Variants in KNDC1 observed in about 807,000 individuals in gnomAD.
The protein encoded by KNDC1 is kinase non-catalytic C-lobe domain containing 1.
A neutral mutation model predicts 172.8 loss-of-function variants in KNDC1; 106 were observed. That is an observed-to-expected ratio of 0.61 (90% CI 0.52 to 0.72). The LOEUF (loss-of-function observed/expected upper bound fraction) is 0.72, where lower values mean the gene tolerates loss of function less well. Ranked by LOEUF, KNDC1 falls within the 30% of genes least tolerant of loss-of-function variation. KNDC1 has a pLI of 0.00. For missense variants in KNDC1, 2,325 were observed against 2,394.5 expected, an observed-to-expected ratio of 0.97 and a Z score of 0.61; for synonymous variants, 1,083 against 1,062.2, an observed-to-expected ratio of 1.02 and a Z score of -0.38.
rs990346400 is a variant in KNDC1, at chr10:133,209,668, C to T, written c.3795-943C>T. ...TTCCATGGAAGGAGCGTCTCCTGGCCGTGATGTGGTCACGAGGGGCTTCCC... is the reference window on the plus strand; with the variant it reads ...TTCCATGGAAGGAGCGTCTCCTGGCTGTGATGTGGTCACGAGGGGCTTCCC... On this transcript the variant is annotated intron_variant, in intron 20 of 29. Coordinates refer to ENST00000304613, the MANE Select transcript of KNDC1 (RefSeq NM_152643.8). This position sits in a 1 kb window ranked among gnomAD's most constrained non-coding sequence, Gnocchi z 4.9. Among the ~76,000 whole-genome samples, 8 of 152,098 alleles carry T rather than the reference C, an allele frequency of 5.3e-5. No individual in the cohort carries two copies. The highest frequency in any genetic ancestry group is 2.1e-4 in the South Asian group (1 of 4,818).
At chr10:133,170,093 C>T (rs186057375) in intron 3 of KNDC1, among the ~76,000 whole-genome samples, 118 of 152,356 alleles carry the variant, frequency 7.7e-4, no homozygotes, top group African/African-American at 2.7e-3. Context: ...TAATGTGGCA[C>T]CTGCTGTGTG....
chr10:133,189,249 G>A (rs1854011360), intron 7 of KNDC1, among the ~76,000 whole-genome samples: 2 of 152,188 alleles, frequency 1.3e-5, no homozygotes. Flanking sequence ...CGTCCACCGT[G>A]AGCCCGTGGC....
intron 3 of KNDC1, among the ~76,000 whole-genome samples, chr10:133,177,631 T>G (rs1447012696): frequency 6.6e-6 from 1 of 152,016 alleles, no homozygotes; most frequent in African/African-American, 2.4e-5. Flanking sequence ...TAGTGTGTTG[T>G]GAGCATGTGT....
At chr10:133,171,410 G>A (rs1042631281) in intron 3 of KNDC1, among the ~76,000 whole-genome samples, 2 of 151,928 alleles carry the variant, frequency 1.3e-5, no homozygotes, top group African/African-American at 2.4e-5. Flanking sequence ...AGGTGGGGCT[G>A]CAAGTGTGCA....
intron 7 of KNDC1, among the ~76,000 whole-genome samples, 158 bp from the exon 8 acceptor site, chr10:133,189,439 TG>T (rs1184917642): frequency 6.6e-6 from 1 of 152,144 alleles, no homozygotes; most frequent in Non-Finnish European, 1.5e-5. Context: ...CCCCGGGGGC[TG>T]GGGTCAGGCC....
chr10:133,171,030 T>G (rs1853362049), intron 3 of KNDC1, among the ~76,000 whole-genome samples: 1 of 152,258 alleles, frequency 6.6e-6, no homozygotes, highest in African/African-American at 2.4e-5. Context: ...TAATCAAATG[T>G]TTTAATGCTT....
chr10:133,172,907 G>A (rs1350313127), intron 3 of KNDC1, among the ~76,000 whole-genome samples: 1 of 152,198 alleles, frequency 6.6e-6, no homozygotes, highest in Non-Finnish European at 1.5e-5. Flanking sequence ...GGAGGCTGAG[G>A]CGGGAGGACT....
chr10:133,183,797 G>A (rs955375287), intron 4 of KNDC1, 75 bp from the exon 5 acceptor site: 22 of 1,195,888 alleles, frequency 1.8e-5, no homozygotes, highest in South Asian at 4.4e-5. Flanking sequence ...CAAAGGATCC[G>A]GCCGTGTCGG....
intron 23 of KNDC1, among the ~76,000 whole-genome samples, chr10:133,212,362 G>A (rs139991961): frequency 2.9e-4 from 44 of 152,368 alleles, no homozygotes; most frequent in Non-Finnish European, 5.0e-4. Flanking sequence ...AGGCAGCCCT[G>A]CTGCGCTGGC....
At chr10:133,193,222 C>G (rs1459020216) in intron 9 of KNDC1, among the ~76,000 whole-genome samples, 1 of 152,256 alleles carries the variant, frequency 6.6e-6, no homozygotes, top group Admixed American at 6.5e-5. Context: ...GCAAAAATAT[C>G]CTTCAGAAAT....
Position 133,225,160 on chromosome 10 carries a change from A to C in KNDC1, c.*270A>C. 2.3e-6 allele frequency: 1 copy of C among 433,216 alleles called. No individual in the cohort carries two copies. The allele number at this position is 433,216 out of a possible 1,614,324, so 26.8% of individuals were successfully genotyped here. ...TAAAAAGTTAAATTTAAAAATGAAA[A>C]TGAAAGACAGCTTCCCAGGAGTTTT... On this transcript the variant is annotated 3_prime_UTR_variant, in exon 30 of 30. Coordinates refer to ENST00000304613, the MANE Select transcript of KNDC1 (RefSeq NM_152643.8).
At chr10:133,161,801 G>T (rs1347167888) in intron 1 of KNDC1, among the ~76,000 whole-genome samples, 1 of 152,164 alleles carries the variant, frequency 6.6e-6, no homozygotes, top group Non-Finnish European at 1.5e-5. Flanking sequence ...TATCTGTTAG[G>T]AGGCGGCCCT....
chr10:133,205,874 A>C (rs1845172104), intron 17 of KNDC1, among the ~76,000 whole-genome samples: 1 of 152,146 alleles, frequency 6.6e-6, no homozygotes, highest in East Asian at 1.9e-4. Flanking sequence ...CATCTCAAAA[A>C]ATAAAAAATA....
At chr10:133,184,439 ACTC>A (rs1178300050) in intron 5 of KNDC1, among the ~76,000 whole-genome samples, 20 of 152,154 alleles carry the variant, frequency 1.3e-4, no homozygotes, top group Admixed American at 2.0e-4. Flanking sequence ...GATCACACAA[ACTC>A]ACGTATTCAC....
chr10:133,162,678 C>G (rs952986799), intron 1 of KNDC1, among the ~76,000 whole-genome samples: 1 of 152,264 alleles, frequency 6.6e-6, no homozygotes, highest in Admixed American at 6.5e-5. Context: ...GACCGCCAGG[C>G]TGGCAAGAAC....
At chr10:133,179,701 C>T (rs1450554908) in intron 3 of KNDC1, among the ~76,000 whole-genome samples, 4 of 152,238 alleles carry the variant, frequency 2.6e-5, no homozygotes, top group African/African-American at 4.8e-5. Flanking sequence ...CCACTCGAGG[C>T]GAGAGCTACC....
chr10:133,199,624 G>A (rs200260804), intron 15 of KNDC1, 22 bp downstream of exon 15: 284 of 1,610,096 alleles, frequency 1.8e-4, no homozygotes, highest in Admixed American at 4.7e-4. Context: ...GTTCGGCCCT[G>A]CATTCCCGCC....
chr10:133,168,024 C>T (rs2135947233), intron 2 of KNDC1, among the ~76,000 whole-genome samples: 1 of 152,374 alleles, frequency 6.6e-6, no homozygotes, highest in African/African-American at 2.4e-5. Context: ...TCTTCAGCTT[C>T]CTTCTTGGGA....
chr10:133,225,078 C>T lies in KNDC1; in HGVS notation c.*188C>T. On this transcript the variant is annotated 3_prime_UTR_variant, in exon 30 of 30. Coordinates refer to ENST00000304613, the MANE Select transcript of KNDC1 (RefSeq NM_152643.8). Reference sequence around the variant, plus strand: ...ACAGGCAGAGCTGGTCTCCTCCCAGCAGACGGAGCCAGGACGGGCACAAGA... The same window carrying T: ...ACAGGCAGAGCTGGTCTCCTCCCAGTAGACGGAGCCAGGACGGGCACAAGA... 1.7e-6 allele frequency: 1 copy of T among 596,036 alleles called. No individual in the cohort carries two copies. The highest frequency in any genetic ancestry group is 3.0e-6 in the Non-Finnish European group (1 of 330,684). The allele number at this position is 596,036 out of a possible 1,614,324, so 36.9% of individuals were successfully genotyped here. A position where few individuals can be genotyped will look rare whatever the true frequency, so the allele number is the denominator to read the frequency against.
Sources: allele counts gnomAD v4.1 joint callset (sites outside exome capture counted in the v4.1 genomes callset), GRCh38; gene constraint gnomAD v4.1.1; non-coding constraint Gnocchi (gnomAD v3.1); transcripts MANE v1.5; gene names NCBI Gene and HGNC (gene_info 2026-07-23, HGNC 2026-07-21).